Variants in DYTN observed in about 807,000 individuals in gnomAD.
The protein encoded by DYTN is dystrotelin.
A neutral mutation model predicts 69.6 loss-of-function variants in DYTN; 75 were observed. The observed-to-expected ratio is 1.08, with a 90% CI of 0.89 to 1.31. DYTN has a LOEUF of 1.31. Ranked by LOEUF, DYTN falls within the 50% of genes most tolerant of loss-of-function variation. DYTN has a pLI of 0.00. For missense variants in DYTN, 726 were observed against 688.4 expected (o/e 1.05, Z -0.61); for synonymous variants, 252 against 249.1 (o/e 1.01, Z -0.11).
intron 9 of DYTN, among the ~76,000 whole-genome samples, chr2:206,692,075 GA>G (rs1699869079): frequency 6.6e-6 from 1 of 152,050 alleles, no homozygotes; most frequent in Non-Finnish European, 1.5e-5. Context: ...AGGAGTTTAA[GA>G]ACCCCTGTGA....
intron 2 of DYTN, among the ~76,000 whole-genome samples, chr2:206,708,215 C>A (rs1406556747): frequency 6.6e-6 from 1 of 152,102 alleles, no homozygotes; most frequent in African/African-American, 2.4e-5. Context: ...AAAATTTTTA[C>A]AAGGCAATGA....
At chr2:206,716,628 C>T (rs548120384) in intron 1 of DYTN, among the ~76,000 whole-genome samples, 1 of 151,750 alleles carries the variant, frequency 6.6e-6, no homozygotes, top group Non-Finnish European at 1.5e-5. Context: ...TGGGAGATGT[C>T]AGAAACTCCT....
At chr2:206,664,443 G>A (rs954396563) in intron 10 of DYTN, among the ~76,000 whole-genome samples, 2 of 152,074 alleles carry the variant, frequency 1.3e-5, no homozygotes, top group Admixed American at 6.6e-5. Flanking sequence ...GATTGCTTGA[G>A]GCCAGGAGTT....
intron 9 of DYTN, among the ~76,000 whole-genome samples, chr2:206,672,232 T>A (rs1438503998): frequency 2.0e-5 from 3 of 148,924 alleles, no homozygotes; most frequent in African/African-American, 5.2e-5. Context: ...TTCTATGAAG[T>A]GCATTTTTTA....
intron 9 of DYTN, among the ~76,000 whole-genome samples, chr2:206,667,593 C>A (rs1699586933): frequency 6.6e-6 from 1 of 152,138 alleles, no homozygotes; most frequent in African/African-American, 2.4e-5. Context: ...CAGCCATACA[C>A]TGTGACAGAC....
intron 7 of DYTN, among the ~76,000 whole-genome samples, chr2:206,697,497 C>G (rs1699932071): frequency 6.6e-6 from 1 of 152,138 alleles, no homozygotes; most frequent in Non-Finnish European, 1.5e-5. Context: ...TCCCAAAAAA[C>G]CAAAGCTACT....
At chr2:206,693,068 C>G in intron 9 of DYTN, 107 bp downstream of exon 9, 2 of 1,418,420 alleles carry the variant, frequency 1.4e-6, no homozygotes, top group South Asian at 1.5e-5. Context: ...CCTCCTCCTG[C>G]CTTGTCTAGG....
Position 206,718,297 on chromosome 2 carries a change from A to C in DYTN, c.-18T>G. 6.2e-7 allele frequency: 1 copy of C among 1,602,360 alleles called. No homozygotes were observed. Among genetic ancestry groups the C allele is most frequent in the Non-Finnish European group, 8.5e-7 (1 of 1,174,272 alleles). On this transcript the variant is annotated 5_prime_UTR_variant, in exon 1 of 12. Coordinates refer to ENST00000452335, the MANE Select transcript of DYTN (RefSeq NM_001093730.1). The stretch of plus-strand genomic sequence containing the variant: ...GGATCCATTTCACAAATTTCCTGGA[A>C]TGACAGATGGCAAGTGGGTCCCTGT...
At chr2:206,699,691 G>A (rs999493000) in intron 7 of DYTN, 36 bp downstream of exon 7, 4 of 1,596,936 alleles carry the variant, frequency 2.5e-6, no homozygotes, top group Non-Finnish European at 8.5e-7. Context: ...ACCATATGGA[G>A]AATGATAATC....
rs112746540 is a variant in DYTN at position 206,714,454 on chromosome 2, G to A, written c.19+3807C>T. On this transcript the variant is annotated intron_variant, in intron 1 of 11. Transcript: ENST00000452335. ...CCTGACCTCATGGTCTGCCCGCCTC[G>A]GCCTCCCAAAGTGCTGGGATTACAG... is the stretch of plus-strand genomic sequence containing the variant. 3.0e-3 allele frequency among the ~76,000 whole-genome samples: 456 copies of A among 152,176 alleles called. 1 individual carries two copies. Among genetic ancestry groups the A allele is most frequent in the African/African-American group, 0.01 (421 of 41,510 alleles).
At chr2:206,694,125 T>C (rs1356284077) in intron 8 of DYTN, among the ~76,000 whole-genome samples, 1 of 152,206 alleles carries the variant, frequency 6.6e-6, no homozygotes, top group Non-Finnish European at 1.5e-5. Context: ...TGGAATTTAG[T>C]AATGAAAAGA....
chr2:206,700,503 G>GA (rs1699965575), intron 5 of DYTN, among the ~76,000 whole-genome samples: 1 of 152,064 alleles, frequency 6.6e-6, no homozygotes, highest in Admixed American at 6.6e-5. Flanking sequence ...ATTTTCTTGT[G>GA]ATTCCAAATT....
chr2:206,653,824 T>C (rs1183169472), intron 11 of DYTN, among the ~76,000 whole-genome samples: 1 of 152,174 alleles, frequency 6.6e-6, no homozygotes, highest in African/African-American at 2.4e-5. Context: ...GCCAACCGCA[T>C]AACAGTTTTC....
At chr2:206,699,626 G>T in intron 7 of DYTN, 101 bp downstream of exon 7, 1 of 1,367,552 alleles carries the variant, frequency 7.3e-7, no homozygotes, top group Non-Finnish European at 9.6e-7. Flanking sequence ...CTGAATTTCA[G>T]ATGTGTAAGG....
At chr2:206,671,235 A>G (rs1699626907) in intron 9 of DYTN, among the ~76,000 whole-genome samples, 3 of 152,180 alleles carry the variant, frequency 2.0e-5, no homozygotes, top group African/African-American at 4.8e-5. Context: ...TGTGGCTACA[A>G]TCTGCAGTCT....
chr2:206,696,622 G>A (rs537497207), intron 7 of DYTN, among the ~76,000 whole-genome samples: 3 of 152,292 alleles, frequency 2.0e-5, no homozygotes, highest in Admixed American at 1.3e-4. Context: ...CTGAATTAAA[G>A]AGAGTTTAAG....
intron 1 of DYTN, among the ~76,000 whole-genome samples, chr2:206,711,679 C>T (rs1317497450): frequency 6.6e-6 from 1 of 151,776 alleles, no homozygotes; most frequent in African/African-American, 2.4e-5. Flanking sequence ...GGGTGTGCTG[C>T]ACCCATTAAC....
rs1393079789 is a variant in DYTN at position 206,651,652 on chromosome 2, A to C, written c.*166T>G. 1.7e-6 allele frequency: 1 copy of C among 596,138 alleles called. No homozygotes were observed. The highest frequency in any genetic ancestry group is 1.9e-5 in the African/African-American group (1 of 53,090). 36.9% of individuals were successfully genotyped at this position (596,138 alleles called of 1,614,324 possible). ...ACCCCCAACCTTCACTCTGAACTGC[A>C]GAACTAAGATACATAAGTAGGGAGG... On this transcript the variant is annotated 3_prime_UTR_variant, in exon 12 of 12. Coordinates refer to ENST00000452335, the MANE Select transcript of DYTN (RefSeq NM_001093730.1).
intron 9 of DYTN, among the ~76,000 whole-genome samples, chr2:206,686,188 C>T (rs1330426216): frequency 1.3e-5 from 2 of 152,118 alleles, no homozygotes; most frequent in South Asian, 2.1e-4. Flanking sequence ...GCTCCAATGG[C>T]TGTCACAACA....
Sources: gnomAD v4.1 joint callset for allele counts (sites outside exome capture counted in the v4.1 genomes callset) on GRCh38, gnomAD v4.1.1 for gene constraint, MANE v1.5 for transcripts, NCBI Gene and HGNC (gene_info 2026-07-23, HGNC 2026-07-21) for gene names.